Variants in GATAD2A observed in about 807,000 individuals in gnomAD.
GATAD2A encodes the protein GATA zinc finger domain containing 2A, also known as transcriptional repressor p66-alpha.
GATAD2A carries 12 observed loss-of-function variants against 68.5 expected under a neutral mutation model. That is an observed-to-expected ratio of 0.18 (90% CI 0.11 to 0.28). The LOEUF (loss-of-function observed/expected upper bound fraction) is 0.28, where lower values mean the gene tolerates loss of function less well. GATAD2A is among the 10% of genes least tolerant of loss of function. The pLI is 1.00. For missense variants in GATAD2A, 755 were observed against 868.5 expected, an observed-to-expected ratio of 0.87 and a Z score of 1.64; for synonymous variants, 410 against 375.3, an observed-to-expected ratio of 1.09 and a Z score of -1.07.
chr19:19,469,743 G>A (rs186336831), intron 2 of GATAD2A, among the ~76,000 whole-genome samples: 5 of 152,224 alleles, frequency 3.3e-5, no homozygotes, highest in African/African-American at 1.2e-4. Context: ...TCAGGAGTTT[G>A]ATAGCAGCCC....
chr19:19,494,439 C>T, intron 5 of GATAD2A, 56 bp downstream of exon 5: 1 of 1,123,602 alleles, frequency 8.9e-7, no homozygotes, highest in East Asian at 2.4e-5. Flanking sequence ...TGCTGTCAAG[C>T]ACAGGCTCCT....
chr19:19,506,147 C>CTG lies in GATAD2A; in HGVS notation c.*673_*674insTG, dbSNP rs1330919679. The CTG allele has an allele frequency of 1.0e-5, 4 of 398,760 alleles. No homozygotes were observed. In the East Asian group the frequency reaches 1.4e-4, roughly 14 times the overall value. The allele number at this position is 398,760 out of a possible 1,614,324, so 24.7% of individuals were successfully genotyped here. A position where few individuals can be genotyped will look rare whatever the true frequency, so the allele number is the denominator to read the frequency against. The stretch of plus-strand genomic sequence containing the variant: ...CCGGCCCGCCCCCGTGACTGACTGA[C>CTG]AGATGCAGGGATGGCCGAGGCAGCC... On this transcript the variant is annotated 3_prime_UTR_variant, in exon 12 of 12. Coordinates refer to ENST00000683918, the MANE Select transcript of GATAD2A (RefSeq NM_001384528.1).
At chr19:19,418,254 G>A (rs766120136) in intron 1 of GATAD2A, among the ~76,000 whole-genome samples, 5 of 152,172 alleles carry the variant, frequency 3.3e-5, no homozygotes, top group Admixed American at 6.5e-5. Flanking sequence ...AAGAGAGCAT[G>A]GCTCTCTGAC....
intron 7 of GATAD2A, 66 bp downstream of exon 7, chr19:19,496,285 C>G: frequency 6.9e-7 from 1 of 1,441,716 alleles, no homozygotes; most frequent in East Asian, 2.3e-5. Flanking sequence ...CCCCTTGGAC[C>G]CAGGTTCTGG....
chr19:19,503,644 CTGTGTGTGTGTGTGTG>C (rs58706182), intron 11 of GATAD2A, among the ~76,000 whole-genome samples: 2 of 148,604 alleles, frequency 1.3e-5, no homozygotes, highest in Admixed American at 1.3e-4. Flanking sequence ...CATCTGGAAG[CTGTGTGTGTGTGTGTG>C]TGTGTGTGTG....
chr19:19,479,034 C>T (rs186024792), intron 2 of GATAD2A, among the ~76,000 whole-genome samples: 1 of 152,268 alleles, frequency 6.6e-6, no homozygotes, highest in East Asian at 1.9e-4. Flanking sequence ...GAAAATGTAA[C>T]TAGCATGGAG....
At chr19:19,465,144 C>A (rs909185510) in intron 1 of GATAD2A, among the ~76,000 whole-genome samples, 196 bp from the exon 2 acceptor site, 1 of 152,222 alleles carries the variant, frequency 6.6e-6, no homozygotes, top group African/African-American at 2.4e-5. Flanking sequence ...GGGGACACCC[C>A]CCTCCTGCCT....
chr19:19,468,432 T>G lies in GATAD2A; in HGVS notation c.269+2818T>G, dbSNP rs1189044522. 4.6e-5 allele frequency among the ~76,000 whole-genome samples: 7 copies of G among 152,104 alleles called. No individual in the cohort carries two copies. The East Asian group carries it at 1.3e-3, about 29-fold the overall frequency. ...TTTGAAGAAATAATGGGCAAAAACA[T>G]ACTTGAGGAGAAACTCATCCAGGAA... is the stretch of plus-strand genomic sequence containing the variant. On this transcript the variant is annotated intron_variant, in intron 2 of 11. Transcript: ENST00000683918.
chr19:19,505,285 T>G, intron 11 of GATAD2A, 59 bp from the exon 12 acceptor site: 1 of 1,568,824 alleles, frequency 6.4e-7, no homozygotes, highest in Non-Finnish European at 8.7e-7. Flanking sequence ...ATGGCTGGGC[T>G]CCTCCCAGGA....
At chr19:19,443,184 C>T (rs545941323) in intron 1 of GATAD2A, among the ~76,000 whole-genome samples, 6 of 152,134 alleles carry the variant, frequency 3.9e-5, no homozygotes, top group Non-Finnish European at 5.9e-5. Flanking sequence ...TTGCAGTCAC[C>T]TAGTGAATTG....
At chr19:19,431,395 C>G (rs1182485675) in intron 1 of GATAD2A, among the ~76,000 whole-genome samples, 2 of 151,046 alleles carry the variant, frequency 1.3e-5, no homozygotes, top group Non-Finnish European at 2.9e-5. Context: ...CTCGTCCATT[C>G]AATAAATATT....
In GATAD2A at chr19:19,470,155, G is replaced by A. The variant is rs113070129; in HGVS notation, c.269+4541G>A. Among the ~76,000 whole-genome samples the A allele has an allele frequency of 1.2e-3, 160 of 134,118 alleles. 2 individuals are homozygous for A. In the East Asian group the frequency reaches 0.012, roughly 10 times the overall value. The allele number at this position is 134,118 out of a possible 152,430, so 88.0% of individuals were successfully genotyped here. ...AAACTGCGACTTTATTTTTTTTTTT[G>A]TTTTTTTTTTTTTGAGACAGAGTCT... On this transcript the variant is annotated intron_variant, in intron 2 of 11. Transcript: ENST00000683918.
intron 2 of GATAD2A, among the ~76,000 whole-genome samples, chr19:19,485,898 C>T (rs2059396807): frequency 6.6e-6 from 1 of 152,200 alleles, no homozygotes; most frequent in East Asian, 1.9e-4. Context: ...TACAAAGACG[C>T]ACGATGACAC....
upstream of GATAD2A, among the ~76,000 whole-genome samples, chr19:19,402,776 A>AT (rs1400983648): frequency 7.2e-3 from 814 of 112,276 alleles, 4 homozygotes; most frequent in Middle Eastern, 9.5e-3. Context: ...TGTTTTTTTG[A>AT]TTTTTTTTTT....
At chr19:19,403,762 A>G (rs947924415), upstream of GATAD2A, among the ~76,000 whole-genome samples, 26 of 152,220 alleles carry the variant, frequency 1.7e-4, no homozygotes, top group African/African-American at 5.5e-4. Flanking sequence ...GCTTTAATAT[A>G]CATCATCTGA....
chr19:19,496,057 C>T lies in GATAD2A; in HGVS notation c.762C>T (p.Ile254=). 6.2e-7 allele frequency: 1 copy of T among 1,613,634 alleles called. No individual in the cohort carries two copies. The highest frequency in any genetic ancestry group is 8.5e-7 in the Non-Finnish European group (1 of 1,179,660). ...MPPLVRGAQQ[I]HSIRQHSSTG... ...TCCCCACCCTACCCCAACAGCAAAT[C>T]CACAGCATTAGGCAACATTCCAGCA... Residue 254 remains isoleucine (I), a synonymous_variant, in exon 7 of 12, where the codon ATC becomes ATT. Coordinates refer to ENST00000683918, the MANE Select transcript of GATAD2A (RefSeq NM_001384528.1).
chr19:19,503,528 C>G (rs565337333), intron 11 of GATAD2A, among the ~76,000 whole-genome samples: 1 of 152,284 alleles, frequency 6.6e-6, no homozygotes, highest in East Asian at 1.9e-4. Context: ...TTTAAGACAG[C>G]TGAGGACTCA....
chr19:19,394,357 A>G lies in GATAD2A; in HGVS notation c.-7+8219A>G, dbSNP rs374628114. On this transcript the variant is annotated intron_variant, in intron 1 of 11. Transcript: ENST00000360315. Reference sequence around the variant, plus strand: ...GCTGCCTGGGTGTTGGTGGTGGTTTAGGAATAATGAGATTTCCAATAGATG... The same window carrying G: ...GCTGCCTGGGTGTTGGTGGTGGTTTGGGAATAATGAGATTTCCAATAGATG... Among the ~76,000 whole-genome samples the G allele has an allele frequency of 1.6e-4, 25 of 152,062 alleles. 1 individual carries two copies. In the East Asian group the frequency reaches 2.3e-3, roughly 14 times the overall value.
rs1465135642 is a variant in GATAD2A, at chr19:19,508,779, A to G, written c.*3305A>G. On this transcript the variant is annotated 3_prime_UTR_variant, in exon 12 of 12. Coordinates refer to ENST00000683918, the MANE Select transcript of GATAD2A (RefSeq NM_001384528.1). ...TGTCACTTGTATTTATTGTGACTCT[A>G]AATCTTTGATAGTAAAACAAATGTA... The G allele has an allele frequency of 6.6e-6, 1 of 152,238 alleles. No homozygotes were observed. The highest frequency in any genetic ancestry group is 1.5e-5 in the Non-Finnish European group (1 of 68,048). 9.4% of individuals were successfully genotyped at this position (152,238 alleles called of 1,614,324 possible). A position where few individuals can be genotyped will look rare whatever the true frequency, so the allele number is the denominator to read the frequency against.
Sources: allele counts gnomAD v4.1 joint callset (sites outside exome capture counted in the v4.1 genomes callset), GRCh38; gene constraint gnomAD v4.1.1; transcripts MANE v1.5; gene names NCBI Gene and HGNC (gene_info 2026-07-23, HGNC 2026-07-21).